The following ADAM9 variants were observed in gnomAD, a reference collection of about 807,000 sequenced individuals.
The protein encoded by ADAM9 is ADAM metallopeptidase domain 9.
Under a neutral mutation model 108.1 loss-of-function variants are expected in ADAM9, and 54 were observed. That is an observed-to-expected ratio of 0.50 (90% CI 0.40 to 0.63). The LOEUF is 0.63. Among genes scored for constraint, ADAM9 ranks in the 20% least tolerant of loss-of-function variants. ADAM9 has a pLI of 0.00. For synonymous variants in ADAM9, 316 were observed against 336.0 expected, an observed-to-expected ratio of 0.94 and a Z score of 0.65; for missense variants, 830 against 997.7, an observed-to-expected ratio of 0.83 and a Z score of 2.26.
chr8:39,003,733 G>A (rs1053981379), intron 1 of ADAM9, among the ~76,000 whole-genome samples: 4 of 152,160 alleles, frequency 2.6e-5, no homozygotes, highest in African/African-American at 9.7e-5. Context: ...GATTTTAGAA[G>A]CAAGATGTCA....
chr8:39,000,818 T>C (rs562580569), intron 1 of ADAM9, among the ~76,000 whole-genome samples: 1 of 152,270 alleles, frequency 6.6e-6, no homozygotes, highest in East Asian at 1.9e-4. Context: ...ATTAACTTGG[T>C]CCGTTTTAAA....
chr8:39,082,919 T>C (rs773844730), intron 17 of ADAM9, 49 bp from the exon 18 acceptor site: 17 of 1,509,570 alleles, frequency 1.1e-5, no homozygotes, highest in Admixed American at 8.5e-5. Context: ...GTTGATGATA[T>C]AGAGCAACAT....
At chr8:39,051,581 T>C (rs1837959804) in intron 12 of ADAM9, among the ~76,000 whole-genome samples, 1 of 152,246 alleles carries the variant, frequency 6.6e-6, no homozygotes, top group Non-Finnish European at 1.5e-5. Flanking sequence ...GGGATGTTTA[T>C]TGCAGCACTG....
intron 15 of ADAM9, chr8:39,076,356 T>TG (rs1277111158): frequency 6.6e-6 from 1 of 151,138 alleles, no homozygotes; most frequent in Admixed American, 6.6e-5. Context: ...TGTAGTCTCA[T>TG]GGGGAAGATC....
rs1451302035 is a variant in ADAM9, at chr8:39,077,470, A to T, written c.1881+59A>T. ...TGAAAAAAATTAAAAAAATTATTAT[A>T]CATAGTAAGTGGTTGCTCTTTTCTG... is the stretch of plus-strand genomic sequence containing the variant. On this transcript the variant is annotated intron_variant, in intron 16 of 21. Coordinates refer to ENST00000487273, the MANE Select transcript of ADAM9 (RefSeq NM_003816.3). 8.2e-6 allele frequency: 12 copies of T among 1,456,514 alleles called. No individual in the cohort carries two copies. In the Admixed American group the frequency reaches 2.1e-4, roughly 25 times the overall value. 90.2% of individuals were successfully genotyped at this position (1,456,514 alleles called of 1,614,324 possible). A position where few individuals can be genotyped will look rare whatever the true frequency, so the allele number is the denominator to read the frequency against.
At chr8:38,998,039 G>C (rs995705498) in intron 1 of ADAM9, among the ~76,000 whole-genome samples, 3 of 152,218 alleles carry the variant, frequency 2.0e-5, no homozygotes, top group African/African-American at 4.8e-5. Flanking sequence ...GATTTTGTAT[G>C]ATATAATTGT....
At position 39,104,138 on chromosome 8, in the gene ADAM9, A is replaced by G. The variant is rs903284587; in HGVS notation, c.*438A>G. ...AATCTAATACCTGTGAAAACTGACTAATCAGCTGCCAATAATATCTAATAT... is the reference window on the plus strand; with the variant it reads ...AATCTAATACCTGTGAAAACTGACTGATCAGCTGCCAATAATATCTAATAT... On this transcript the variant is annotated 3_prime_UTR_variant, in exon 22 of 22. Transcript: ENST00000487273. The G allele has an allele frequency of 8.8e-6, 4 of 455,128 alleles. No individual in the cohort carries two copies. Among genetic ancestry groups the G allele is most frequent in the Non-Finnish European group, 1.3e-5 (3 of 227,598 alleles). The allele number at this position is 455,128 out of a possible 1,614,324, so 28.2% of individuals were successfully genotyped here. A position where few individuals can be genotyped will look rare whatever the true frequency, so the allele number is the denominator to read the frequency against.
chr8:39,093,473 C>G (rs1839413149), intron 20 of ADAM9, among the ~76,000 whole-genome samples: 1 of 152,032 alleles, frequency 6.6e-6, no homozygotes, highest in South Asian at 2.1e-4. Context: ...TTCATTAGTT[C>G]TAACAGTTTT....
At chr8:38,997,249 G>C in intron 1 of ADAM9, 89 bp downstream of exon 1, 3 of 1,427,100 alleles carry the variant, frequency 2.1e-6, no homozygotes, top group Non-Finnish European at 2.9e-6. Flanking sequence ...GGAGTGGAGG[G>C]GCCCGGCCTG....
chr8:39,019,840 A>T (rs1836675692), intron 7 of ADAM9, among the ~76,000 whole-genome samples: 1 of 152,236 alleles, frequency 6.6e-6, no homozygotes, highest in African/African-American at 2.4e-5. Context: ...ATTAAGAGAT[A>T]GACTTGGATT....
intron 8 of ADAM9, among the ~76,000 whole-genome samples, chr8:39,022,308 A>G (rs1836773919): frequency 6.6e-6 from 1 of 152,166 alleles, no homozygotes; most frequent in African/African-American, 2.4e-5. Context: ...CTTTACATTT[A>G]TTAACCCATT....
intron 1 of ADAM9, among the ~76,000 whole-genome samples, chr8:39,001,417 G>A (rs73617955): frequency 1.8e-3 from 273 of 152,300 alleles, no homozygotes; most frequent in African/African-American, 6.2e-3. Context: ...TACCAGTGCA[G>A]GAAGTACATG....
chr8:39,045,304 ATG>A (rs1491224673), intron 12 of ADAM9, among the ~76,000 whole-genome samples: 1 of 104,716 alleles, frequency 9.5e-6, no homozygotes, highest in Admixed American at 9.6e-5. Context: ...ACACCTATAC[ATG>A]TGTGTGTACA....
chr8:39,013,164 A>G (rs139003000), intron 3 of ADAM9, among the ~76,000 whole-genome samples: 58 of 152,274 alleles, frequency 3.8e-4, no homozygotes, highest in African/African-American at 1.3e-3. Flanking sequence ...TGGAGTGAAG[A>G]TTTGGAAATC....
chr8:39,083,352 C>T (rs1250808384), intron 18 of ADAM9, among the ~76,000 whole-genome samples: 1 of 152,168 alleles, frequency 6.6e-6, no homozygotes, highest in Non-Finnish European at 1.5e-5. Flanking sequence ...TCAGTGTTTT[C>T]CTACAAGAAT....
chr8:39,062,515 G>GT (rs1435776899), intron 14 of ADAM9, among the ~76,000 whole-genome samples: 2 of 152,186 alleles, frequency 1.3e-5, no homozygotes, highest in Non-Finnish European at 2.9e-5. Context: ...AGCCAATGCC[G>GT]TAAGTTTTTA....
At chr8:39,029,638 A>G (rs751976940) in intron 11 of ADAM9, among the ~76,000 whole-genome samples, 2 of 152,144 alleles carry the variant, frequency 1.3e-5, no homozygotes, top group African/African-American at 4.8e-5. Flanking sequence ...ACCTGTTGAG[A>G]TGATTATGTG....
intron 1 of ADAM9, among the ~76,000 whole-genome samples, chr8:39,005,922 T>C (rs944552496): frequency 6.6e-6 from 1 of 152,232 alleles, no homozygotes; most frequent in African/African-American, 2.4e-5. Context: ...ATAAGGAATC[T>C]CACCTGAGAT....
At chr8:39,058,785 G>C (rs867836521) in intron 14 of ADAM9, among the ~76,000 whole-genome samples, 1 of 152,172 alleles carries the variant, frequency 6.6e-6, no homozygotes. Context: ...GCATAAGGTC[G>C]TGGGAACAGG....
Sources: gnomAD v4.1 joint callset for allele counts (sites outside exome capture counted in the v4.1 genomes callset) on GRCh38, gnomAD v4.1.1 for gene constraint, MANE v1.5 for transcripts, NCBI Gene and HGNC (gene_info 2026-07-23, HGNC 2026-07-21) for gene names.